The following GMDS variants were observed in gnomAD, a reference collection of about 807,000 sequenced individuals.
GMDS encodes the protein GDP-mannose 4,6 dehydratase.
In GMDS, 20 loss-of-function variants were observed where a neutral mutation model predicts 49.9. That is an observed-to-expected ratio of 0.40 (90% CI 0.28 to 0.58). The LOEUF (loss-of-function observed/expected upper bound fraction) is 0.58. Among genes scored for constraint, GMDS ranks in the 20% least tolerant of loss-of-function variants. GMDS has a pLI of 0.42. For missense variants in GMDS, 362 were observed against 481.4 expected (o/e 0.75, Z 2.32); for synonymous variants, 177 against 178.6 (o/e 0.99, Z 0.07).
intron 9 of GMDS, among the ~76,000 whole-genome samples, chr6:1,629,443 G>C (rs1315821769): frequency 6.6e-6 from 1 of 152,118 alleles, no homozygotes; most frequent in African/African-American, 2.4e-5. Context: ...CGGTGGGACT[G>C]TCCGTAGGCA....
chr6:2,229,926 G>GGAAGCA (rs1264152513), intron 1 of GMDS, among the ~76,000 whole-genome samples: 1 of 152,112 alleles, frequency 6.6e-6, no homozygotes, highest in Non-Finnish European at 1.5e-5. Context: ...AGAGCCCCAG[G>GGAAGCA]GAAGCAGCTT....
chr6:2,169,418 C>T (rs922315728), intron 1 of GMDS, among the ~76,000 whole-genome samples: 1 of 151,772 alleles, frequency 6.6e-6, no homozygotes, highest in Non-Finnish European at 1.5e-5. Context: ...ACCAGCTTGG[C>T]CAACATGGTA....
chr6:2,029,468 G>A (rs1287463285), intron 4 of GMDS, among the ~76,000 whole-genome samples: 2 of 152,014 alleles, frequency 1.3e-5, no homozygotes, highest in African/African-American at 4.8e-5. Context: ...TATCTACCTG[G>A]CAAAAATTTA....
At chr6:2,046,429 C>G (rs1161989507) in intron 4 of GMDS, among the ~76,000 whole-genome samples, 2 of 152,144 alleles carry the variant, frequency 1.3e-5, no homozygotes, top group Non-Finnish European at 2.9e-5. Context: ...ATTAATTACA[C>G]AGGCAAAACC....
At chr6:2,109,202 G>C (rs767646999) in intron 4 of GMDS, among the ~76,000 whole-genome samples, 5 of 152,124 alleles carry the variant, frequency 3.3e-5, no homozygotes, top group African/African-American at 4.8e-5. Context: ...AGTGAAGGAG[G>C]ACACACAGCG....
chr6:1,752,684 T>A (rs1581140354), intron 7 of GMDS, among the ~76,000 whole-genome samples: 2 of 152,256 alleles, frequency 1.3e-5, no homozygotes, highest in East Asian at 3.9e-4. Flanking sequence ...TAACAGCAGA[T>A]CTCTCGGCAG....
intron 4 of GMDS, among the ~76,000 whole-genome samples, chr6:1,972,213 T>C (rs565175643): frequency 6.6e-6 from 1 of 151,498 alleles, no homozygotes; most frequent in Non-Finnish European, 1.5e-5. Context: ...TTGTTCTAAT[T>C]AGTTAAAATT....
At chr6:2,059,320 T>G (rs565856590) in intron 4 of GMDS, among the ~76,000 whole-genome samples, 1 of 151,882 alleles carries the variant, frequency 6.6e-6, no homozygotes, top group Non-Finnish European at 1.5e-5. Flanking sequence ...CTGATTAGAA[T>G]ATTAGAAAAT....
At chr6:1,899,696 A>G (rs1486315228) in intron 7 of GMDS, among the ~76,000 whole-genome samples, 1 of 152,254 alleles carries the variant, frequency 6.6e-6, no homozygotes, top group Non-Finnish European at 1.5e-5. Context: ...CTGTTTTGTA[A>G]ACATGACCTA....
chr6:2,092,526 T>C (rs972063189), intron 4 of GMDS, among the ~76,000 whole-genome samples: 1 of 152,240 alleles, frequency 6.6e-6, no homozygotes, highest in Non-Finnish European at 1.5e-5. Flanking sequence ...AAATGTGTTG[T>C]GTCTGGCATA....
At chr6:2,036,951 A>G (rs901818635) in intron 4 of GMDS, among the ~76,000 whole-genome samples, 1 of 152,172 alleles carries the variant, frequency 6.6e-6, no homozygotes, top group Non-Finnish European at 1.5e-5. Flanking sequence ...CCTAATTTCT[A>G]TTCCTGTTGT....
At chr6:1,716,278 T>G (rs1373737040) in intron 9 of GMDS, among the ~76,000 whole-genome samples, 1 of 152,226 alleles carries the variant, frequency 6.6e-6, no homozygotes, top group African/African-American at 2.4e-5. Flanking sequence ...TTTTAATCAC[T>G]GAAACAGCTG....
chr6:1,707,810 T>C (rs943900667), intron 9 of GMDS, among the ~76,000 whole-genome samples: 1 of 152,234 alleles, frequency 6.6e-6, no homozygotes, highest in Non-Finnish European at 1.5e-5. Flanking sequence ...TTACATATGG[T>C]AACTAGACGC....
At chr6:1,897,512 G>A (rs898799198) in intron 7 of GMDS, among the ~76,000 whole-genome samples, 1 of 152,066 alleles carries the variant, frequency 6.6e-6, no homozygotes, top group Non-Finnish European at 1.5e-5. Context: ...TGGAGTCCAG[G>A]TTCTGTCTCC....
At chr6:1,747,283 C>A (rs554748208) in intron 7 of GMDS, among the ~76,000 whole-genome samples, 1 of 152,290 alleles carries the variant, frequency 6.6e-6, no homozygotes, top group African/African-American at 2.4e-5. Context: ...TTGCTTCCAC[C>A]TCGACGTTAA....
intron 7 of GMDS, among the ~76,000 whole-genome samples, chr6:1,764,909 A>G (rs936385928): frequency 6.6e-6 from 1 of 152,192 alleles, no homozygotes; most frequent in Admixed American, 6.5e-5. Context: ...AAGAAAATAA[A>G]TTTGTATTAT....
chr6:2,142,242 G>A (rs989087565), intron 1 of GMDS, among the ~76,000 whole-genome samples: 2 of 152,076 alleles, frequency 1.3e-5, no homozygotes, highest in East Asian at 1.9e-4. Context: ...TGGCAAAAGC[G>A]GGATCTGTTA....
intron 4 of GMDS, among the ~76,000 whole-genome samples, chr6:2,020,624 T>A (rs567133304): frequency 9.3e-4 from 141 of 152,048 alleles, no homozygotes; most frequent in South Asian, 2.5e-3. Context: ...ATATTTTTTT[T>A]AAAAAATCAA....
chr6:2,176,027 T>C (rs973980616), intron 1 of GMDS: 7 of 1,529,406 alleles, frequency 4.6e-6, no homozygotes, highest in African/African-American at 2.7e-5. Flanking sequence ...AGAGCACAGA[T>C]GCTTTACTGT....
Sources: gnomAD v4.1 joint callset for allele counts (sites outside exome capture counted in the v4.1 genomes callset) on GRCh38, gnomAD v4.1.1 for gene constraint, MANE v1.5 for transcripts, NCBI Gene and HGNC (gene_info 2026-07-23, HGNC 2026-07-21) for gene names.